The following CACNA1E variants were observed in gnomAD, a reference collection of about 807,000 sequenced individuals.
CACNA1E encodes calcium voltage-gated channel subunit alpha1 E.
A neutral mutation model predicts 259.2 loss-of-function variants in CACNA1E; 40 were observed. That is an observed-to-expected ratio of 0.15 (90% CI 0.12 to 0.20). The LOEUF is 0.20. CACNA1E is among the 10% of genes least tolerant of loss of function. CACNA1E has a pLI of 1.00. For synonymous variants in CACNA1E, 1,104 were observed against 1,138.5 expected (o/e 0.97, Z 0.61); for missense variants, 1,874 against 3,040.1 (o/e 0.62, Z 9.02).
intron 28 of CACNA1E, among the ~76,000 whole-genome samples, 152 bp downstream of exon 28, chr1:181,755,549 AC>A: frequency 6.6e-6 from 1 of 152,348 alleles, no homozygotes; most frequent in South Asian, 2.1e-4. Flanking sequence ...TAAACTTTTT[AC>A]TGAGTGCCTC....
intron 3 of CACNA1E, among the ~76,000 whole-genome samples, chr1:181,557,727 G>A (rs543840638): frequency 7.2e-5 from 11 of 152,244 alleles, no homozygotes; most frequent in South Asian, 6.2e-4. Flanking sequence ...CATGTTATCC[G>A]CTGGGCAGAA....
intron 6 of CACNA1E, among the ~76,000 whole-genome samples, chr1:181,640,832 A>G (rs1657681077): frequency 6.6e-6 from 1 of 152,242 alleles, no homozygotes; most frequent in Admixed American, 6.5e-5. Context: ...AGTAAACAAC[A>G]TTATCGAGAA....
rs371960587 is a variant in CACNA1E, at chr1:181,380,792, G to GC, written c.-14-32341_-14-32340insC. 3.3e-5 allele frequency among the ~76,000 whole-genome samples: 5 copies of GC among 151,952 alleles called. No homozygotes were observed. In the East Asian group the frequency reaches 7.7e-4, roughly 23 times the overall value. Reference sequence around the variant, plus strand: ...AATTATGTTGGAAAACAGTTTAGCAGTTTAAAAAAAAATTAAACATATACC... The same window carrying GC: ...AATTATGTTGGAAAACAGTTTAGCAGCTTTAAAAAAAAATTAAACATATACC... On this transcript the variant is annotated intron_variant, in intron 1 of 11. Transcript: ENST00000524607.
chr1:181,342,876 C>T (rs1036037711), intron 1 of CACNA1E, among the ~76,000 whole-genome samples: 1 of 152,086 alleles, frequency 6.6e-6, no homozygotes, highest in Non-Finnish European at 1.5e-5. Flanking sequence ...TTGTTTTGTA[C>T]ACTTTCCTGC....
At chr1:181,724,429 T>G (rs763674710) in intron 16 of CACNA1E, 41 bp from the exon 17 acceptor site, 3 of 1,563,444 alleles carry the variant, frequency 1.9e-6, no homozygotes, top group Non-Finnish European at 2.6e-6. Flanking sequence ...GCTGAAGACT[T>G]TTGCTTTTCT....
At chr1:181,556,086 T>C (rs1464738184) in intron 3 of CACNA1E, among the ~76,000 whole-genome samples, 6 of 152,234 alleles carry the variant, frequency 3.9e-5, no homozygotes, top group Non-Finnish European at 7.3e-5. Flanking sequence ...GTGGTTACCA[T>C]GTGTCCTCCT....
At chr1:181,770,501 T>A (rs2102761508) in intron 35 of CACNA1E, among the ~76,000 whole-genome samples, 1 of 152,318 alleles carries the variant, frequency 6.6e-6, no homozygotes, top group East Asian at 1.9e-4. Flanking sequence ...TCAGCAAATC[T>A]CATTCTGTCA....
chr1:181,748,956 T>C (rs963644278), intron 25 of CACNA1E, among the ~76,000 whole-genome samples: 1 of 152,208 alleles, frequency 6.6e-6, no homozygotes, highest in Non-Finnish European at 1.5e-5. Context: ...CTGTCTTATA[T>C]GTGAGAAGAT....
intron 2 of CACNA1E, among the ~76,000 whole-genome samples, chr1:181,433,248 C>A (rs1206991396): frequency 6.6e-6 from 1 of 152,132 alleles, no homozygotes; most frequent in Non-Finnish European, 1.5e-5. Flanking sequence ...GGATCAAAAC[C>A]CTGAGGGCCA....
intron 45 of CACNA1E, among the ~76,000 whole-genome samples, chr1:181,794,422 G>A (rs761006649): frequency 6.6e-5 from 10 of 151,878 alleles, no homozygotes; most frequent in Non-Finnish European, 1.0e-4. Flanking sequence ...GCAGGGCAGG[G>A]CCTTCTCTGG....
intron 2 of CACNA1E, among the ~76,000 whole-genome samples, chr1:181,475,230 A>G (rs1474299638): frequency 6.6e-6 from 1 of 152,246 alleles, no homozygotes; most frequent in Non-Finnish European, 1.5e-5. Context: ...AGGTAAAAGA[A>G]CAAAGAGAAA....
At chr1:181,438,276 G>T (rs1172854203) in intron 2 of CACNA1E, among the ~76,000 whole-genome samples, 2 of 152,158 alleles carry the variant, frequency 1.3e-5, no homozygotes, top group African/African-American at 4.8e-5. Context: ...GTCTCATAAT[G>T]GCTCTAGAAG....
At chr1:181,555,259 C>T (rs570838610) in intron 3 of CACNA1E, among the ~76,000 whole-genome samples, 20 of 152,304 alleles carry the variant, frequency 1.3e-4, no homozygotes, top group African/African-American at 1.9e-4. Context: ...AGGGGTATAC[C>T]TACCAGCTCT....
chr1:181,579,065 C>T lies in CACNA1E; in HGVS notation c.617-7C>T. On this transcript the variant is annotated splice_region_variant and splice_polypyrimidine_tract_variant and intron_variant, in intron 4 of 47. Transcript: ENST00000367573. ...CTGCATTGGTCATTCTCTGTCCTTC[C>T]TTCTAGGCCTGCAGATTGTGTTGAA... 3.7e-6 allele frequency: 6 copies of T among 1,601,494 alleles called. No homozygotes were observed. Among genetic ancestry groups the T allele is most frequent in the Non-Finnish European group, 5.1e-6 (6 of 1,174,428 alleles).
chr1:181,625,849 C>G (rs912275766), intron 6 of CACNA1E, among the ~76,000 whole-genome samples: 1 of 152,172 alleles, frequency 6.6e-6, no homozygotes, highest in African/African-American at 2.4e-5. Flanking sequence ...CCATGCCTTC[C>G]TCACTAAGCT....
chr1:181,767,235 T>C (rs990518504), intron 35 of CACNA1E, among the ~76,000 whole-genome samples: 5 of 152,120 alleles, frequency 3.3e-5, no homozygotes, highest in African/African-American at 1.2e-4. Context: ...TCCCTTGTTT[T>C]CCCATCCCAG....
Position 181,500,476 on chromosome 1 carries a change from C to G in CACNA1E, c.267-10001C>G, listed in dbSNP as rs143435859. On this transcript the variant is annotated intron_variant, in intron 1 of 47. Coordinates refer to ENST00000367573, the MANE Select transcript of CACNA1E (RefSeq NM_001205293.3). ...AAATGCTACACATTGGGGCTTTTCC[C>G]CCGAAGTTAAACATCTATTAGCACA... Among the ~76,000 whole-genome samples the G allele has an allele frequency of 5.5e-3, 844 of 152,306 alleles. 7 individuals are homozygous for G. Among genetic ancestry groups the G allele is most frequent in the African/African-American group, 0.018 (756 of 41,556 alleles).
chr1:181,533,562 T>C (rs1327320315), intron 3 of CACNA1E, among the ~76,000 whole-genome samples: 1 of 151,968 alleles, frequency 6.6e-6, no homozygotes, highest in Non-Finnish European at 1.5e-5. Context: ...CCATTTGTCT[T>C]TAAAACTGGC....
intron 3 of CACNA1E, among the ~76,000 whole-genome samples, chr1:181,515,357 TAG>T (rs1331708655): frequency 3.9e-5 from 6 of 152,220 alleles, no homozygotes; most frequent in African/African-American, 1.4e-4. Context: ...GTTTGATGTG[TAG>T]AGAGTGGATC....
Sources: allele counts gnomAD v4.1 joint callset (sites outside exome capture counted in the v4.1 genomes callset), GRCh38; gene constraint gnomAD v4.1.1; transcripts MANE v1.5; gene names NCBI Gene and HGNC (gene_info 2026-07-23, HGNC 2026-07-21).